The following IMPG2 variants were observed in gnomAD, a reference collection of about 807,000 sequenced individuals.
IMPG2 encodes interphotoreceptor matrix proteoglycan 2.
Under a neutral mutation model 129.2 loss-of-function variants are expected in IMPG2, and 91 were observed. The ratio of observed to expected loss-of-function variants is 0.70; its 90% CI spans 0.59 to 0.84. The LOEUF is 0.84. IMPG2 is among the 40% of genes least tolerant of loss of function. IMPG2 has a pLI of 0.00. For missense variants in IMPG2, 1,430 were observed against 1,461.7 expected (o/e 0.98, Z 0.35); for synonymous variants, 510 against 517.7 (o/e 0.99, Z 0.20).
At chr3:101,303,032 T>A (rs1707154427) in intron 3 of IMPG2, among the ~76,000 whole-genome samples, 2 of 152,214 alleles carry the variant, frequency 1.3e-5, no homozygotes, top group Admixed American at 6.5e-5. Flanking sequence ...TATATTTTAT[T>A]ACCTTTACGA....
chr3:101,247,551 T>A (rs1249460147), intron 11 of IMPG2, among the ~76,000 whole-genome samples: 1 of 152,064 alleles, frequency 6.6e-6, no homozygotes, highest in Admixed American at 6.6e-5. Flanking sequence ...GAGCCAAGAT[T>A]GTGCCATTGT....
intron 14 of IMPG2, among the ~76,000 whole-genome samples, chr3:101,238,423 T>A (rs1706370600): frequency 6.6e-6 from 1 of 152,084 alleles, no homozygotes; most frequent in African/African-American, 2.4e-5. Context: ...ATTGTCAGAT[T>A]CACCAAGATT....
intron 4 of IMPG2, among the ~76,000 whole-genome samples, chr3:101,290,722 T>C (rs781227694): frequency 1.3e-4 from 20 of 152,076 alleles, no homozygotes; most frequent in Non-Finnish European, 8.8e-5. Flanking sequence ...ATATATTCCA[T>C]TTATGGTTTT....
chr3:101,289,611 C>T (rs1047490915), intron 4 of IMPG2, among the ~76,000 whole-genome samples: 3 of 152,094 alleles, frequency 2.0e-5, no homozygotes, highest in South Asian at 2.1e-4. Context: ...GAAACTGAGA[C>T]AGATGAGGCT....
chr3:101,293,511 T>C (rs1377754568), intron 3 of IMPG2, among the ~76,000 whole-genome samples: 2 of 152,104 alleles, frequency 1.3e-5, no homozygotes, highest in Admixed American at 6.6e-5. Flanking sequence ...ATAAGTAGAG[T>C]AGATTTAGCA....
intron 2 of IMPG2, among the ~76,000 whole-genome samples, chr3:101,307,448 T>C (rs1285785431): frequency 6.6e-6 from 1 of 152,146 alleles, no homozygotes; most frequent in Non-Finnish European, 1.5e-5. Context: ...TCCACATGGG[T>C]GGGGAGGCCT....
chr3:101,293,759 A>T (rs1156373670), intron 3 of IMPG2, among the ~76,000 whole-genome samples: 2 of 152,218 alleles, frequency 1.3e-5, no homozygotes, highest in Admixed American at 6.5e-5. Flanking sequence ...TCTTAGCTAG[A>T]TCTTCTAGAC....
intron 18 of IMPG2, among the ~76,000 whole-genome samples, 157 bp from the exon 19 acceptor site, chr3:101,227,138 A>C (rs113649855): frequency 6.6e-6 from 1 of 152,288 alleles, no homozygotes. Context: ...CTGTGCTAAA[A>C]ATTTTTTTAA....
At chr3:101,228,767 T>G (rs1233061063) in intron 18 of IMPG2, 30 bp downstream of exon 18, 1 of 1,567,504 alleles carries the variant, frequency 6.4e-7, no homozygotes, top group Non-Finnish European at 8.8e-7. Flanking sequence ...AGTCTGTAGG[T>G]CGGGGTGGGG....
intron 11 of IMPG2, among the ~76,000 whole-genome samples, chr3:101,247,529 G>A (rs557262999): frequency 1.6e-4 from 24 of 152,232 alleles, no homozygotes; most frequent in Non-Finnish European, 2.5e-4. Context: ...CCCGGGCGGC[G>A]GAGGCTGTGG....
intron 2 of IMPG2, among the ~76,000 whole-genome samples, chr3:101,308,229 G>C (rs777286556): frequency 1.3e-4 from 20 of 152,212 alleles, no homozygotes; most frequent in Admixed American, 9.8e-4. Flanking sequence ...CTGGAGGACA[G>C]TGACCCTCTT....
rs745900785 is a variant in IMPG2 at position 101,320,390 on chromosome 3, G to T, written c.-18C>A. 1.3e-4 allele frequency: 198 copies of T among 1,499,030 alleles called. 5 individuals are homozygous for T. In the South Asian group the frequency reaches 2.0e-3, roughly 15 times the overall value. The allele number at this position is 1,499,030 out of a possible 1,614,324, so 92.9% of individuals were successfully genotyped here. On this transcript the variant is annotated 5_prime_UTR_variant, in exon 1 of 19. Coordinates refer to ENST00000193391, the MANE Select transcript of IMPG2 (RefSeq NM_016247.4). The stretch of plus-strand genomic sequence containing the variant: ...ATAATCATTTGGGCCAAAACCAAAG[G>T]AATGAGGAGAGGACAGAATCCTTAA...
intron 11 of IMPG2, among the ~76,000 whole-genome samples, chr3:101,252,098 C>T (rs1295738204): frequency 1.3e-5 from 2 of 152,080 alleles, no homozygotes; most frequent in Non-Finnish European, 2.9e-5. Flanking sequence ...CAAGTGAGCC[C>T]TATTGGTGCT....
In IMPG2 at chr3:101,304,310, A is replaced by G; in HGVS notation, c.337T>C (p.Cys113Arg). The change falls in exon 3 of 19, where the codon TGT (cysteine) becomes CGT (arginine). Residue 113 changes from cysteine to arginine, a missense_variant and splice_region_variant. Physicochemically the swap from Cys to Arg is radical, Grantham distance 180. Coordinates refer to ENST00000193391, the MANE Select transcript of IMPG2 (RefSeq NM_016247.4). Reference sequence around the variant, plus strand: ...AAGGCTTCCCAGACAGCTTCCTGACACACTAGAAAATAGAGAGGTGTTTTT... The same window carrying G: ...AAGGCTTCCCAGACAGCTTCCTGACGCACTAGAAAATAGAGAGGTGTTTTT... ...NHVKYFKVRV[C>R]QEAVWEAFRT... 1 of 1,613,686 alleles carries G rather than the reference A, an allele frequency of 6.2e-7. No homozygotes were observed. The highest frequency in any genetic ancestry group is 8.5e-7 in the Non-Finnish European group (1 of 1,179,596).
chr3:101,275,630 A>G (rs1706832194), intron 6 of IMPG2, 33 bp downstream of exon 6: 7 of 1,462,664 alleles, frequency 4.8e-6, no homozygotes, highest in Non-Finnish European at 6.7e-6. Flanking sequence ...GTTCCATGTT[A>G]GAAACTAACT....
chr3:101,279,716 A>C (rs1222801834), intron 4 of IMPG2, among the ~76,000 whole-genome samples: 1 of 152,224 alleles, frequency 6.6e-6, no homozygotes, highest in Non-Finnish European at 1.5e-5. Context: ...GTCAAATCAA[A>C]TTTACGCTAA....
chr3:101,268,250 C>T (rs1280002614), intron 8 of IMPG2, among the ~76,000 whole-genome samples: 1 of 152,142 alleles, frequency 6.6e-6, no homozygotes, highest in Non-Finnish European at 1.5e-5. Context: ...GCCAGAAGTG[C>T]AACGGCAGGA....
intron 4 of IMPG2, among the ~76,000 whole-genome samples, chr3:101,288,394 A>T (rs1423532327): frequency 6.6e-6 from 1 of 152,206 alleles, no homozygotes; most frequent in Admixed American, 6.5e-5. Context: ...AAAAAGCCAC[A>T]TGCACTCATA....
chr3:101,228,972 T>C, intron 17 of IMPG2, 96 bp from the exon 18 acceptor site: 2 of 888,858 alleles, frequency 2.3e-6, no homozygotes, highest in Non-Finnish European at 3.7e-6. Flanking sequence ...AATTGTTACA[T>C]TCTGGGCTAT....
Sources: allele counts gnomAD v4.1 joint callset (sites outside exome capture counted in the v4.1 genomes callset), GRCh38; gene constraint gnomAD v4.1.1; transcripts MANE v1.5; gene names NCBI Gene and HGNC (gene_info 2026-07-23, HGNC 2026-07-21).